RAB2A: variants seen among roughly 807,000 people sequenced by gnomAD.
RAB2A encodes RAB2A, member RAS oncogene family, also known as ras-related protein Rab-2A.
A neutral mutation model predicts 32.5 loss-of-function variants in RAB2A; 7 were observed. The observed-to-expected ratio is 0.22, with a 90% confidence interval of 0.12 to 0.40. The LOEUF is 0.40. Among genes scored for constraint, RAB2A ranks in the 10% least tolerant of loss-of-function variants. The pLI, the probability that RAB2A is intolerant of heterozygous loss-of-function variation, is 1.00. For synonymous variants in RAB2A, 79 were observed against 85.2 expected (o/e 0.93, Z 0.40); for missense variants, 108 against 260.7 (o/e 0.41, Z 4.03).
chr8:60,586,039 A>G (rs933341179), intron 5 of RAB2A, among the ~76,000 whole-genome samples: 1 of 152,306 alleles, frequency 6.6e-6, no homozygotes, highest in African/African-American at 2.4e-5. Context: ...AGTGGCTCAC[A>G]CCTGTGATCC....
chr8:60,567,757 G>A (rs1369042968), intron 2 of RAB2A, among the ~76,000 whole-genome samples: 3 of 148,076 alleles, frequency 2.0e-5, no homozygotes, highest in Non-Finnish European at 4.4e-5. Flanking sequence ...GTTATTGTAA[G>A]TAAATTTTTT....
intron 1 of RAB2A, among the ~76,000 whole-genome samples, chr8:60,547,422 A>G (rs1171910350): frequency 6.6e-6 from 1 of 152,074 alleles, no homozygotes; most frequent in African/African-American, 2.4e-5. Context: ...TATACCTCCC[A>G]GACGGGGTGG....
At chr8:60,601,084 T>G (rs966427465) in intron 6 of RAB2A, among the ~76,000 whole-genome samples, 1 of 152,230 alleles carries the variant, frequency 6.6e-6, no homozygotes, top group African/African-American at 2.4e-5. Context: ...GTTTTAAAAA[T>G]GAGAATTCAT....
chr8:60,516,999 G>C lies in RAB2A; in HGVS notation c.-209G>C. ...CGCGGCGGCTGTTATTGTTCGGCTGGGCTCGGTCGGGCGCTGTCTCCCTCG... is the reference window on the plus strand; with the variant it reads ...CGCGGCGGCTGTTATTGTTCGGCTGCGCTCGGTCGGGCGCTGTCTCCCTCG... On this transcript the variant is annotated 5_prime_UTR_variant, in exon 1 of 8. Transcript: ENST00000262646. 1 of 467,348 alleles carries C rather than the reference G, an allele frequency of 2.1e-6. No homozygotes were observed. Among genetic ancestry groups the C allele is most frequent in the East Asian group, 3.6e-5 (1 of 27,584 alleles). The allele number at this position is 467,348 out of a possible 1,614,324, so 29.0% of individuals were successfully genotyped here.
chr8:60,556,844 AT>A (rs763397343), intron 1 of RAB2A, among the ~76,000 whole-genome samples: 1 of 152,140 alleles, frequency 6.6e-6, no homozygotes, highest in Non-Finnish European at 1.5e-5. Context: ...AAACTCTTAG[AT>A]GATTCTTGAA....
intron 6 of RAB2A, among the ~76,000 whole-genome samples, chr8:60,608,994 T>A (rs2150436186): frequency 6.6e-6 from 1 of 152,316 alleles, no homozygotes; most frequent in African/African-American, 2.4e-5. Flanking sequence ...CATTTTTCAG[T>A]CCCTTACACT....
In RAB2A at chr8:60,524,370, C is replaced by G. The variant is rs79541018; in HGVS notation, c.46+7117C>G. ...TCCCTTTCCTTCTGGCCCAGCTGTGCTTACTTCATTTGTTATTCTCTGCTC... is the reference window on the plus strand; with the variant it reads ...TCCCTTTCCTTCTGGCCCAGCTGTGGTTACTTCATTTGTTATTCTCTGCTC... On this transcript the variant is annotated intron_variant, in intron 1 of 7. Transcript: ENST00000262646. Among the ~76,000 whole-genome samples the G allele has an allele frequency of 8.6e-3, 1,231 of 142,998 alleles. 15 individuals are homozygous for G. The highest frequency in any genetic ancestry group is 0.032 in the African/African-American group (1,128 of 35,638). The allele number at this position is 142,998 out of a possible 152,430, so 93.8% of individuals were successfully genotyped here. A position where few individuals can be genotyped will look rare whatever the true frequency, so the allele number is the denominator to read the frequency against.
intron 2 of RAB2A, among the ~76,000 whole-genome samples, chr8:60,570,396 A>G (rs1377319703): frequency 2.0e-5 from 3 of 152,222 alleles, no homozygotes; most frequent in East Asian, 3.9e-4. Context: ...GTGCTTCAGT[A>G]TACTCCTTTT....
intron 6 of RAB2A, among the ~76,000 whole-genome samples, chr8:60,604,861 C>T (rs1804198836): frequency 6.6e-6 from 1 of 152,158 alleles, no homozygotes; most frequent in African/African-American, 2.4e-5. Flanking sequence ...GTAGCCTGGC[C>T]ATGTGGTAGA....
At chr8:60,600,945 G>A (rs576211469) in intron 6 of RAB2A, among the ~76,000 whole-genome samples, 21 of 152,258 alleles carry the variant, frequency 1.4e-4, no homozygotes, top group African/African-American at 4.3e-4. Context: ...AATGTTACAC[G>A]GGATTCTTCT....
At chr8:60,606,059 G>T (rs1422237449) in intron 6 of RAB2A, among the ~76,000 whole-genome samples, 1 of 152,062 alleles carries the variant, frequency 6.6e-6, no homozygotes, top group Non-Finnish European at 1.5e-5. Flanking sequence ...TGAGACAGGA[G>T]AATTACTTGA....
At chr8:60,546,891 CTTTTTTTT>C (rs6150606) in intron 1 of RAB2A, among the ~76,000 whole-genome samples, 9 of 98,950 alleles carry the variant, frequency 9.1e-5, no homozygotes, top group African/African-American at 2.2e-4. Context: ...TTTTTTGGGT[CTTTTTTTT>C]TTTTTTTTTT....
At chr8:60,526,041 ATATATATATATATAT>A (rs1391848816) in intron 1 of RAB2A, among the ~76,000 whole-genome samples, 4 of 125,122 alleles carry the variant, frequency 3.2e-5, no homozygotes, top group Admixed American at 1.7e-4. Flanking sequence ...ATATATATAT[ATATATATATATATAT>A]AAGTTTTCTG....
chr8:60,518,416 G>A (rs1286458769), intron 1 of RAB2A, among the ~76,000 whole-genome samples: 2 of 151,814 alleles, frequency 1.3e-5, no homozygotes, highest in East Asian at 3.9e-4. Context: ...CAGCACTTTC[G>A]GAGGCCGAGG....
intron 3 of RAB2A, chr8:60,583,934 G>A (rs1803806523): frequency 7.3e-6 from 2 of 274,160 alleles, no homozygotes; most frequent in Non-Finnish European, 1.4e-5. Context: ...AGTAAATTGG[G>A]TTGTCAGGGA....
At chr8:60,550,424 A>T (rs966509623) in intron 1 of RAB2A, among the ~76,000 whole-genome samples, 1 of 151,110 alleles carries the variant, frequency 6.6e-6, no homozygotes, top group Non-Finnish European at 1.5e-5. Flanking sequence ...TCACTCCATC[A>T]TCCAGGCTGA....
At chr8:60,585,287 G>T (rs1803829746) in intron 5 of RAB2A, among the ~76,000 whole-genome samples, 1 of 81,868 alleles carries the variant, frequency 1.2e-5, no homozygotes, top group Non-Finnish European at 2.7e-5. Context: ...CATTCTTTTT[G>T]TTTTGTTTTG....
intron 1 of RAB2A, among the ~76,000 whole-genome samples, chr8:60,540,407 A>G (rs570276242): frequency 6.6e-6 from 1 of 152,236 alleles, no homozygotes; most frequent in African/African-American, 2.4e-5. Flanking sequence ...AAAGTGTTAA[A>G]AATGAAGATC....
At chr8:60,544,105 A>G (rs994011228) in intron 1 of RAB2A, among the ~76,000 whole-genome samples, 2 of 146,942 alleles carry the variant, frequency 1.4e-5, no homozygotes, top group Admixed American at 6.7e-5. Context: ...GATATTTTCA[A>G]TTCTTTTTTT....
Sources: gnomAD v4.1 joint callset for allele counts (sites outside exome capture counted in the v4.1 genomes callset) on GRCh38, gnomAD v4.1.1 for gene constraint, MANE v1.5 for transcripts, NCBI Gene and HGNC (gene_info 2026-07-23, HGNC 2026-07-21) for gene names.